The following DOCK4 variants were observed in gnomAD, a reference collection of about 807,000 sequenced individuals.
The protein encoded by DOCK4 is dedicator of cytokinesis protein 4.
A neutral mutation model predicts 268.1 loss-of-function variants in DOCK4; 97 were observed. That is an observed-to-expected ratio of 0.36 (90% confidence interval 0.31 to 0.43). The LOEUF is 0.43. Ranked by LOEUF, DOCK4 falls within the 20% of genes least tolerant of loss-of-function variation. The pLI, the probability that DOCK4 is intolerant of heterozygous loss-of-function variation, is 1.00. For synonymous variants in DOCK4, 954 were observed against 887.2 expected (o/e 1.08, Z -1.34); for missense variants, 2,145 against 2,455.7 (o/e 0.87, Z 2.67).
intron 1 of DOCK4, among the ~76,000 whole-genome samples, chr7:112,014,480 C>T (rs1202940478): frequency 6.6e-6 from 1 of 152,106 alleles, no homozygotes; most frequent in Admixed American, 6.5e-5. Context: ...CCAACACACA[C>T]CATCTTAAAG....
intron 26 of DOCK4, among the ~76,000 whole-genome samples, chr7:111,832,122 T>TA (rs1161952007): frequency 1.2e-4 from 18 of 152,146 alleles, no homozygotes; most frequent in Admixed American, 7.2e-4. Flanking sequence ...CAATAAGTAT[T>TA]ATAAAGGTGG....
In DOCK4 at chr7:112,041,362, T is replaced by A. The variant is rs1804339650; in HGVS notation, c.38-37231A>T. 3.3e-5 allele frequency among the ~76,000 whole-genome samples: 5 copies of A among 152,324 alleles called. No individual in the cohort carries two copies. The South Asian group carries it at 1.0e-3, about 32-fold the overall frequency. ...GTATATTTCCATATTAGCCAACGTT[T>A]TAATCAAATCACAACCTTTAACAGA... On this transcript the variant is annotated intron_variant, in intron 1 of 52. Coordinates refer to ENST00000428084, the MANE Select transcript of DOCK4 (RefSeq NM_001363540.2).
chr7:111,991,907 G>A (rs1249653527), intron 5 of DOCK4, among the ~76,000 whole-genome samples: 1 of 138,706 alleles, frequency 7.2e-6, no homozygotes, highest in East Asian at 2.3e-4. Flanking sequence ...CTTGCAGTGA[G>A]CCAAGATTGC....
intron 1 of DOCK4, among the ~76,000 whole-genome samples, chr7:112,202,430 A>G (rs1225151592): frequency 1.3e-5 from 2 of 152,248 alleles, no homozygotes; most frequent in Non-Finnish European, 2.9e-5. Context: ...ATAAATAACA[A>G]TGCATTGTAT....
intron 6 of DOCK4, among the ~76,000 whole-genome samples, chr7:111,986,323 G>C (rs1799051960): frequency 6.6e-6 from 1 of 152,188 alleles, no homozygotes; most frequent in Admixed American, 6.5e-5. Flanking sequence ...AAATTCTGCA[G>C]CCTCAGAAAC....
chr7:111,762,757 G>GTTTTT (rs1797499588), intron 39 of DOCK4, among the ~76,000 whole-genome samples: 9 of 54,994 alleles, frequency 1.6e-4, no homozygotes, highest in East Asian at 4.1e-4. Context: ...ATTTTGTTTT[G>GTTTTT]TTTTCTTTTT....
At chr7:111,904,662 T>C (rs1250497164) in intron 13 of DOCK4, among the ~76,000 whole-genome samples, 1 of 152,054 alleles carries the variant, frequency 6.6e-6, no homozygotes, top group Non-Finnish European at 1.5e-5. Flanking sequence ...AGGCATTAGG[T>C]TCACAGGACA....
At chr7:111,772,230 G>A (rs1400137500) in intron 36 of DOCK4, among the ~76,000 whole-genome samples, 1 of 152,054 alleles carries the variant, frequency 6.6e-6, no homozygotes, top group Non-Finnish European at 1.5e-5. Flanking sequence ...GTAACACAGT[G>A]AGTCCTCGTC....
At chr7:112,024,924 G>A (rs1802639631) in intron 1 of DOCK4, among the ~76,000 whole-genome samples, 2 of 152,100 alleles carry the variant, frequency 1.3e-5, no homozygotes, top group African/African-American at 2.4e-5. Context: ...TATATTCTAA[G>A]CTACAGAACT....
chr7:111,759,360 T>C (rs1191642581), intron 40 of DOCK4, among the ~76,000 whole-genome samples: 4 of 152,198 alleles, frequency 2.6e-5, no homozygotes, highest in Admixed American at 2.6e-4. Context: ...GCAGGGTGTT[T>C]AGTTATAGTT....
chr7:111,788,813 A>G, intron 31 of DOCK4, 66 bp from the exon 32 acceptor site: 1 of 1,366,606 alleles, frequency 7.3e-7, no homozygotes, highest in South Asian at 1.2e-5. Context: ...GGCAAGTTAA[A>G]ACGTATTTCT....
intron 12 of DOCK4, among the ~76,000 whole-genome samples, chr7:111,920,102 T>C (rs1435443839): frequency 6.6e-6 from 1 of 152,064 alleles, no homozygotes; most frequent in Non-Finnish European, 1.5e-5. Flanking sequence ...AGTGGAATGA[T>C]GGTTACCAGG....
At chr7:111,844,104 G>T (rs1803902907) in intron 25 of DOCK4, among the ~76,000 whole-genome samples, 1 of 152,066 alleles carries the variant, frequency 6.6e-6, no homozygotes. Flanking sequence ...GTGAAACTCT[G>T]TCTGTATTAA....
chr7:111,995,347 T>C (rs1799853004), intron 4 of DOCK4, among the ~76,000 whole-genome samples: 1 of 151,886 alleles, frequency 6.6e-6, no homozygotes, highest in Non-Finnish European at 1.5e-5. Context: ...ATTTAATTTG[T>C]CCTCTGTATC....
chr7:111,835,737 G>A (rs1460461039), intron 25 of DOCK4, among the ~76,000 whole-genome samples: 2 of 152,138 alleles, frequency 1.3e-5, no homozygotes, highest in African/African-American at 4.8e-5. Flanking sequence ...GACTTTATAA[G>A]TAGAGACTAA....
chr7:111,775,739 T>C (rs1798402898), intron 36 of DOCK4, among the ~76,000 whole-genome samples: 1 of 152,098 alleles, frequency 6.6e-6, no homozygotes, highest in Admixed American at 6.5e-5. Flanking sequence ...AGCTGCACAC[T>C]GTAGGGGTGG....
At chr7:112,083,633 G>T (rs113750931) in intron 1 of DOCK4, among the ~76,000 whole-genome samples, 1 of 151,966 alleles carries the variant, frequency 6.6e-6, no homozygotes, top group Non-Finnish European at 1.5e-5. Flanking sequence ...TCCCCAGAAG[G>T]CCTTAAAATC....
intron 1 of DOCK4, among the ~76,000 whole-genome samples, chr7:112,063,354 A>G (rs1189725469): frequency 6.6e-6 from 1 of 152,220 alleles, no homozygotes; most frequent in Non-Finnish European, 1.5e-5. Context: ...TTCAGTCCTG[A>G]TAAACCCATT....
chr7:111,811,990 G>T (rs1394957462), intron 27 of DOCK4, 41 bp from the exon 28 acceptor site: 2 of 1,139,158 alleles, frequency 1.8e-6, no homozygotes, highest in East Asian at 2.6e-5. Flanking sequence ...CTTCATATTA[G>T]TGAAAATCAT....
Sources: allele counts gnomAD v4.1 joint callset (sites outside exome capture counted in the v4.1 genomes callset), GRCh38; gene constraint gnomAD v4.1.1; transcripts MANE v1.5; gene names NCBI Gene and HGNC (gene_info 2026-07-23, HGNC 2026-07-21).